Variants in NPSR1 observed in about 807,000 individuals in gnomAD.
NPSR1 encodes neuropeptide S receptor 1.
A neutral mutation model predicts 46.9 loss-of-function variants in NPSR1; 48 were observed. That is an observed-to-expected ratio of 1.02 (90% CI 0.81 to 1.30). The LOEUF is 1.30. Among genes scored for constraint, NPSR1 ranks in the 50% most tolerant of loss-of-function variants. The pLI is 0.00. For synonymous variants in NPSR1, 176 were observed against 168.1 expected (o/e 1.05, Z -0.36); for missense variants, 450 against 449.5 (o/e 1.00, Z -0.01).
At chr7:34,868,865 T>C (rs1791384938) in intron 8 of NPSR1, among the ~76,000 whole-genome samples, 1 of 151,554 alleles carries the variant, frequency 6.6e-6, no homozygotes, top group Admixed American at 6.6e-5. Flanking sequence ...GAGGTGCGGC[T>C]GACCCTCAAA....
chr7:34,726,687 G>A (rs1784168846), intron 2 of NPSR1, among the ~76,000 whole-genome samples: 1 of 152,006 alleles, frequency 6.6e-6, no homozygotes, highest in Non-Finnish European at 1.5e-5. Context: ...ACTAAAATGA[G>A]CTATCAAACC....
intron 2 of NPSR1, among the ~76,000 whole-genome samples, chr7:34,717,078 C>T (rs927855577): frequency 2.6e-5 from 4 of 152,200 alleles, no homozygotes; most frequent in African/African-American, 7.2e-5. Context: ...AGATAGGACA[C>T]ATTCATTTGC....
intron 1 of NPSR1, among the ~76,000 whole-genome samples, chr7:34,659,788 A>G (rs554763142): frequency 4.6e-5 from 7 of 152,316 alleles, no homozygotes; most frequent in African/African-American, 1.7e-4. Flanking sequence ...TGTCGACTGA[A>G]TAATCCCCTT....
chr7:34,781,221 T>A (rs934204689), intron 3 of NPSR1, among the ~76,000 whole-genome samples: 1 of 152,072 alleles, frequency 6.6e-6, no homozygotes, highest in Non-Finnish European at 1.5e-5. Flanking sequence ...CACACAGACT[T>A]CCTCTGCAAT....
intron 2 of NPSR1, among the ~76,000 whole-genome samples, chr7:34,706,818 C>G (rs1321245317): frequency 2.0e-5 from 3 of 152,080 alleles, no homozygotes; most frequent in Admixed American, 1.3e-4. Context: ...GGAAATCTCT[C>G]TCTGTCTCAT....
At chr7:34,838,138 C>T (rs933697012) in intron 6 of NPSR1, among the ~76,000 whole-genome samples, 1 of 152,128 alleles carries the variant, frequency 6.6e-6, no homozygotes, top group Non-Finnish European at 1.5e-5. Context: ...CATGCCTCCC[C>T]CCAGGGAGGC....
intron 1 of NPSR1, among the ~76,000 whole-genome samples, chr7:34,672,309 A>T (rs1405529632): frequency 6.6e-6 from 1 of 152,220 alleles, no homozygotes; most frequent in Non-Finnish European, 1.5e-5. Flanking sequence ...AAAGCTTTCA[A>T]TACATGCTAT....
At chr7:34,855,764 CA>C (rs971736940) in intron 8 of NPSR1, among the ~76,000 whole-genome samples, 4 of 150,504 alleles carry the variant, frequency 2.7e-5, no homozygotes, top group East Asian at 3.9e-4. Context: ...GCAAAAATTC[CA>C]AAAAAAAATT....
chr7:34,833,230 T>G (rs773692241), intron 5 of NPSR1, among the ~76,000 whole-genome samples: 3 of 152,254 alleles, frequency 2.0e-5, no homozygotes, highest in Non-Finnish European at 2.9e-5. Context: ...AAAGCATTGC[T>G]TTGTCCCAAA....
intron 4 of NPSR1, among the ~76,000 whole-genome samples, chr7:34,813,510 T>C (rs1789094153): frequency 1.3e-5 from 2 of 152,180 alleles, no homozygotes; most frequent in African/African-American, 4.8e-5. Flanking sequence ...CCATGGGCAG[T>C]AATATGCATC....
intron 4 of NPSR1, among the ~76,000 whole-genome samples, chr7:34,813,464 C>T (rs544164613): frequency 6.6e-6 from 1 of 152,158 alleles, no homozygotes; most frequent in Non-Finnish European, 1.5e-5. Context: ...CCCTCAAATG[C>T]TATATAGCCT....
intron 2 of NPSR1, among the ~76,000 whole-genome samples, chr7:34,772,682 G>A (rs1359561457): frequency 2.0e-5 from 3 of 152,100 alleles, no homozygotes; most frequent in African/African-American, 7.2e-5. Flanking sequence ...CAGGGGCAGG[G>A]CACCCTAGAG....
intron 1 of NPSR1, among the ~76,000 whole-genome samples, chr7:34,663,067 C>CTGTGTG (rs1425497014): frequency 4.0e-5 from 4 of 99,386 alleles, no homozygotes; most frequent in African/African-American, 2.3e-4. Context: ...CTCTCTCTCT[C>CTGTGTG]TGTGTGTGTG....
chr7:34,695,362 A>G (rs562897507), intron 2 of NPSR1, among the ~76,000 whole-genome samples: 120 of 152,064 alleles, frequency 7.9e-4, no homozygotes, highest in African/African-American at 2.7e-3. Flanking sequence ...AATCTTAGGG[A>G]AAAAAACCTG....
At chr7:34,737,876 T>C (rs540556543) in intron 2 of NPSR1, among the ~76,000 whole-genome samples, 62 of 152,326 alleles carry the variant, frequency 4.1e-4, no homozygotes, top group Admixed American at 1.0e-3. Context: ...AAGTGATATC[T>C]CCTTCCAGGA....
downstream of NPSR1, among the ~76,000 whole-genome samples, chr7:34,851,913 A>C (rs1260433206): frequency 1.3e-5 from 2 of 152,194 alleles, no homozygotes; most frequent in African/African-American, 4.8e-5. Context: ...TACCATTTAA[A>C]TGAAACTTGC....
At chr7:34,706,059 A>G (rs1184722038) in intron 2 of NPSR1, among the ~76,000 whole-genome samples, 1 of 151,874 alleles carries the variant, frequency 6.6e-6, no homozygotes, top group Non-Finnish European at 1.5e-5. Context: ...CATAACTCAA[A>G]TCTCCATAGA....
intron 1 of NPSR1, among the ~76,000 whole-genome samples, chr7:34,669,218 A>G (rs1314521353): frequency 1.3e-5 from 2 of 152,188 alleles, no homozygotes; most frequent in African/African-American, 4.8e-5. Flanking sequence ...CATATTATAC[A>G]CCATTATATA....
At chr7:34,791,284 T>A (rs937528255) in intron 3 of NPSR1, among the ~76,000 whole-genome samples, 2 of 142,470 alleles carry the variant, frequency 1.4e-5, no homozygotes, top group Non-Finnish European at 3.0e-5. Context: ...ATATATAATA[T>A]AGATAATATA....
Sources: allele counts gnomAD v4.1 joint callset (sites outside exome capture counted in the v4.1 genomes callset), GRCh38; gene constraint gnomAD v4.1.1; transcripts MANE v1.5; gene names NCBI Gene and HGNC (gene_info 2026-07-23, HGNC 2026-07-21).